MID1: variants seen among roughly 807,000 people sequenced by gnomAD.
MID1 encodes the protein E3 ubiquitin-protein ligase Midline-1.
In MID1, 7 loss-of-function variants were observed where a neutral mutation model predicts 40.4. That is an observed-to-expected ratio of 0.17 (90% CI 0.10 to 0.33). The LOEUF (loss-of-function observed/expected upper bound fraction) is 0.33, where lower values mean the gene tolerates loss of function less well. Among genes scored for constraint, MID1 ranks in the 10% least tolerant of loss-of-function variants. The pLI is 1.00. For missense variants in MID1, 367 were observed against 558.5 expected, an observed-to-expected ratio of 0.66 and a Z score of 3.46; for synonymous variants, 229 against 221.2, an observed-to-expected ratio of 1.04 and a Z score of -0.31.
At chrX:10,587,908 A>G (rs986348690) in intron 1 of MID1, among the ~76,000 whole-genome samples, 1 of 111,118 alleles carries the variant, frequency 9.0e-6, no homozygotes, top group Non-Finnish European at 1.9e-5. Flanking sequence ...TAATTTTAAT[A>G]AAACCTTGTA....
chrX:10,697,397 C>A (rs1234234534), intron 1 of MID1, among the ~76,000 whole-genome samples: 5 of 111,265 alleles, frequency 4.5e-5, no homozygotes, highest in Non-Finnish European at 7.5e-5. Flanking sequence ...TTGAGAAAAA[C>A]CAAAAGAAGC....
intron 3 of MID1, among the ~76,000 whole-genome samples, chrX:10,515,130 C>T (rs749794291): frequency 1.8e-5 from 2 of 112,340 alleles, no homozygotes; most frequent in Non-Finnish European, 3.8e-5. Flanking sequence ...AAGTTTTCTA[C>T]GGAGAGAGAA....
chrX:10,657,043 G>A lies in MID1; in HGVS notation c.-186-36624C>T, dbSNP rs2042879378. On this transcript the variant is annotated intron_variant, in intron 1 of 10. Coordinates refer to the MID1 transcript ENST00000380785. ...GAGCCAGCTTTGCTTGCATATGGCA[G>A]CCCAGAAGTGCTGGAGAATTAATGT... Among the ~76,000 whole-genome samples the A allele has an allele frequency of 3.6e-5, 4 of 111,055 alleles. No individual in the cohort carries two copies. In the South Asian group the frequency reaches 1.5e-3, roughly 43 times the overall value.
chrX:10,680,944 T>C (rs2043055059), intron 1 of MID1, among the ~76,000 whole-genome samples: 1 of 107,454 alleles, frequency 9.3e-6, no homozygotes, highest in Non-Finnish European at 1.9e-5. Flanking sequence ...GAGGATGGCT[T>C]GAGTCCAGGA....
intron 1 of MID1, among the ~76,000 whole-genome samples, chrX:10,698,340 T>C (rs772470958): frequency 8.9e-5 from 10 of 112,523 alleles, no homozygotes; most frequent in Non-Finnish European, 1.7e-4. Context: ...ATGATCTGCC[T>C]TAGTTTTTAA....
At chrX:10,557,821 T>C (rs5979323) in intron 2 of MID1, among the ~76,000 whole-genome samples, 3,909 of 111,663 alleles carry the variant, frequency 0.035, 180 homozygotes, top group African/African-American at 0.12. Flanking sequence ...ACATCTCCTA[T>C]TTCTTCCTAG....
At chrX:10,641,712 A>C (rs750868759) in intron 1 of MID1, among the ~76,000 whole-genome samples, 1 of 112,007 alleles carries the variant, frequency 8.9e-6, no homozygotes, top group East Asian at 2.8e-4. Context: ...AGACACAACA[A>C]AAAAAGAGAA....
intron 1 of MID1, chrX:10,589,858 C>G (rs1444946418): frequency 9.1e-6 from 1 of 110,022 alleles, no homozygotes; most frequent in Non-Finnish European, 1.9e-5. Flanking sequence ...AGAAATGTAG[C>G]AAGACAAGCC....
At chrX:10,584,621 T>C (rs1307444697) in intron 1 of MID1, among the ~76,000 whole-genome samples, 2 of 112,744 alleles carry the variant, frequency 1.8e-5, no homozygotes, top group East Asian at 2.8e-4. Context: ...TGACAGCCAA[T>C]GTCTTTTGAA....
intron 1 of MID1, among the ~76,000 whole-genome samples, chrX:10,775,453 G>C (rs1161008961): frequency 9.0e-6 from 1 of 111,524 alleles, no homozygotes; most frequent in Non-Finnish European, 1.9e-5. Context: ...GCATTGGAGA[G>C]AGGAGGGGAA....
intron 1 of MID1, among the ~76,000 whole-genome samples, chrX:10,611,355 A>C: frequency 8.9e-6 from 1 of 112,417 alleles, no homozygotes; most frequent in East Asian, 2.8e-4. Flanking sequence ...TCAACTGCGG[A>C]AATAATTCAT....
At position 10,473,860 on chromosome X, in the gene MID1, G is replaced by A. The variant is rs760777150; in HGVS notation, c.1141+763C>T. On this transcript the variant is annotated intron_variant, in intron 6 of 9. Coordinates refer to ENST00000317552, the MANE Select transcript of MID1 (RefSeq NM_000381.4). ...GAAGTTGACAGCAAAGAAAAGTTTA[G>A]AAGCATGCTTAGGAATAGGAGTGGC... Among the ~76,000 whole-genome samples the A allele has an allele frequency of 3.6e-5, 4 of 112,261 alleles. No individual in the cohort carries two copies. In the East Asian group the frequency reaches 1.1e-3, roughly 31 times the overall value.
At chrX:10,693,290 GCTCAAGTGA>G (rs1226051559) in intron 1 of MID1, among the ~76,000 whole-genome samples, 1 of 106,379 alleles carries the variant, frequency 9.4e-6, no homozygotes. Context: ...GACCTCTTGG[GCTCAAGTGA>G]TCCTCCTACC....
At chrX:10,765,654 T>A (rs2043714903) in intron 1 of MID1, among the ~76,000 whole-genome samples, 1 of 110,961 alleles carries the variant, frequency 9.0e-6, no homozygotes. Flanking sequence ...ATGTAAAGAG[T>A]GAGTCAAAAA....
chrX:10,454,752 TA>T, intron 9 of MID1, 117 bp downstream of exon 9: 1 of 628,762 alleles, frequency 1.6e-6, no homozygotes, highest in South Asian at 2.3e-5. Context: ...AAGAGCTGAC[TA>T]ATACAACTTT....
intron 2 of MID1, among the ~76,000 whole-genome samples, chrX:10,552,002 C>G (rs909185479): frequency 9.1e-6 from 1 of 109,993 alleles, no homozygotes; most frequent in Non-Finnish European, 1.9e-5. Flanking sequence ...GTTGCCCAGG[C>G]TGGTGTTGAA....
At chrX:10,469,353 T>C in intron 7 of MID1, 1 of 956,368 alleles carries the variant, frequency 1.0e-6, no homozygotes, top group Middle Eastern at 4.4e-4. Flanking sequence ...TTTTGATCTT[T>C]AAGTTATGAA....
intron 7 of MID1, chrX:10,469,263 T>C (rs1277477860): frequency 1.3e-6 from 1 of 746,823 alleles, no homozygotes. Flanking sequence ...TTGTATTTTT[T>C]GTAGAGATGG....
chrX:10,666,536 C>T (rs1167466658), intron 1 of MID1, among the ~76,000 whole-genome samples: 1 of 111,271 alleles, frequency 9.0e-6, no homozygotes, highest in Non-Finnish European at 1.9e-5. Context: ...GGCACTGATT[C>T]TAGAAGTAAA....
Sources: allele counts gnomAD v4.1 joint callset (sites outside exome capture counted in the v4.1 genomes callset), GRCh38; gene constraint gnomAD v4.1.1; transcripts MANE v1.5; gene names NCBI Gene and HGNC (gene_info 2026-07-23, HGNC 2026-07-21).